CCDC91: variants seen among roughly 807,000 people sequenced by gnomAD.
The protein encoded by CCDC91 is coiled-coil domain containing 91, also known as coiled-coil domain-containing protein 91.
CCDC91 carries 48 observed loss-of-function variants against 63.2 expected under a neutral mutation model. The ratio of observed to expected loss-of-function variants is 0.76; its 90% confidence interval spans 0.60 to 0.97. CCDC91 has a LOEUF of 0.97. Among genes scored for constraint, CCDC91 ranks in the 50% least tolerant of loss-of-function variants. The probability of loss-of-function intolerance (pLI) is 0.00; values close to 1 mark genes in which losing one functional copy is unlikely to be tolerated. For missense variants in CCDC91, 500 were observed against 494.6 expected (o/e 1.01, Z -0.10); for synonymous variants, 167 against 165.8 (o/e 1.01, Z -0.06).
At chr12:28,486,174 A>C (rs1331353869) in intron 12 of CCDC91, among the ~76,000 whole-genome samples, 1 of 152,034 alleles carries the variant, frequency 6.6e-6, no homozygotes, top group Non-Finnish European at 1.5e-5. Context: ...CCACCAGTCC[A>C]CTCTGATTCT....
chr12:28,206,680 C>T (rs1410595543), intron 1 of CCDC91, among the ~76,000 whole-genome samples: 10 of 152,166 alleles, frequency 6.6e-5, no homozygotes, highest in African/African-American at 1.4e-4. Flanking sequence ...CTCTATAGGT[C>T]GTAAGTGCCA....
chr12:28,497,667 A>G (rs1433163711), intron 12 of CCDC91, among the ~76,000 whole-genome samples: 1 of 151,596 alleles, frequency 6.6e-6, no homozygotes, highest in East Asian at 1.9e-4. Flanking sequence ...TAGTCCCACT[A>G]TTCTTTTCAC....
At chr12:28,439,247 T>C (rs1949059275) in intron 8 of CCDC91, among the ~76,000 whole-genome samples, 1 of 152,188 alleles carries the variant, frequency 6.6e-6, no homozygotes, top group Non-Finnish European at 1.5e-5. Context: ...TGGTAACTTC[T>C]TTAAGTAGAT....
At chr12:28,308,786 T>C (rs1389522262) in intron 6 of CCDC91, among the ~76,000 whole-genome samples, 1 of 152,070 alleles carries the variant, frequency 6.6e-6, no homozygotes, top group Non-Finnish European at 1.5e-5. Flanking sequence ...CCTTTTACAT[T>C]TGACAAATTA....
intron 3 of CCDC91, among the ~76,000 whole-genome samples, chr12:28,267,905 T>TATTATATATA (rs796554809): frequency 0.015 from 816 of 55,740 alleles, 66 homozygotes; most frequent in Non-Finnish European, 0.027. Context: ...TATATAATTA[T>TATTATATATA]ATTATATATA....
chr12:28,319,006 T>A (rs1794262037), intron 6 of CCDC91, among the ~76,000 whole-genome samples: 1 of 151,964 alleles, frequency 6.6e-6, no homozygotes, highest in African/African-American at 2.4e-5. Flanking sequence ...AATTATATTT[T>A]AATACCACCT....
At chr12:28,460,904 A>C (rs1592737065) in intron 11 of CCDC91, among the ~76,000 whole-genome samples, 1 of 151,916 alleles carries the variant, frequency 6.6e-6, no homozygotes, top group South Asian at 2.1e-4. Flanking sequence ...TCTCTTAACC[A>C]TGGGGATACA....
chr12:28,452,555 T>G lies in CCDC91; in HGVS notation c.1002T>G (p.Ala334=), dbSNP rs757631936. 1 of 1,591,466 alleles carries G rather than the reference T, an allele frequency of 6.3e-7. No individual in the cohort carries two copies. Among genetic ancestry groups the G allele is most frequent in the East Asian group, 2.3e-5 (1 of 44,224 alleles). ...EERKNLEKAH[A]EERELWKTEH... ...GAAAAAATTTAGAAAAAGCGCATGC[T>G]GAAGAAAGGGAATTATGGAAGACAG... Residue 334 remains alanine (A), a synonymous_variant, in exon 11 of 13, where the codon GCT becomes GCG. Transcript: ENST00000536442.
At chr12:28,289,685 CTTTTTTTTTTTT>C (rs75555723) in intron 3 of CCDC91, among the ~76,000 whole-genome samples, 3 of 98,542 alleles carry the variant, frequency 3.0e-5, no homozygotes, top group African/African-American at 9.6e-5. Context: ...CTTTTCTTTT[CTTTTTTTTTTTT>C]TTTTTTTTTT....
chr12:28,268,055 A>T (rs866127817), intron 3 of CCDC91, among the ~76,000 whole-genome samples: 16 of 140,724 alleles, frequency 1.1e-4, no homozygotes, highest in Middle Eastern at 3.5e-3. Flanking sequence ...ATTAAAAATT[A>T]AAAATAATTA....
chr12:28,194,325 T>A (rs998971583), intron 1 of CCDC91, among the ~76,000 whole-genome samples: 62 of 152,178 alleles, frequency 4.1e-4, no homozygotes, highest in African/African-American at 1.4e-3. Flanking sequence ...AAGACTATTC[T>A]TACTGTGTCC....
At chr12:28,391,032 C>T (rs1327899865) in intron 7 of CCDC91, among the ~76,000 whole-genome samples, 4 of 150,266 alleles carry the variant, frequency 2.7e-5, no homozygotes, top group African/African-American at 9.8e-5. Context: ...CTCACCCTCT[C>T]TATCATCTTC....
Position 28,450,223 on chromosome 12 carries a change from A to G in CCDC91, c.825A>G (p.Glu275=). ...AACTGTTAAAAGAAAAAATAAAGGA[A>G]GCTTTGATTCAGCAATCTCAAGAAC... ...EKELLKEKIK[E]ALIQQSQEQK... The change falls in exon 9 of 13, where the codon GAA becomes GAG. Residue 275 remains glutamate, a synonymous_variant. Coordinates refer to ENST00000536442, the MANE Select transcript of CCDC91 (RefSeq NM_018318.5). The G allele has an allele frequency of 6.2e-7, 1 of 1,610,202 alleles. No individual in the cohort carries two copies. Among genetic ancestry groups the G allele is most frequent in the African/African-American group, 1.3e-5 (1 of 74,844 alleles).
intron 6 of CCDC91, among the ~76,000 whole-genome samples, chr12:28,338,879 C>T (rs564730704): frequency 2.0e-5 from 3 of 151,944 alleles, no homozygotes; most frequent in Non-Finnish European, 2.9e-5. Flanking sequence ...CTCGCTCTGT[C>T]GCCCAAGCTG....
At chr12:28,493,942 G>A (rs1192070470) in intron 12 of CCDC91, among the ~76,000 whole-genome samples, 1 of 151,588 alleles carries the variant, frequency 6.6e-6, no homozygotes, top group Non-Finnish European at 1.5e-5. Context: ...CTTTCTACTT[G>A]AGCATGCCCA....
At chr12:28,373,191 A>G (rs2138873609) in intron 7 of CCDC91, among the ~76,000 whole-genome samples, 1 of 152,322 alleles carries the variant, frequency 6.6e-6, no homozygotes, top group Admixed American at 6.5e-5. Context: ...CCTACATATG[A>G]GAAGTAAGCT....
chr12:28,253,527 G>A (rs1251945654), intron 1 of CCDC91, among the ~76,000 whole-genome samples: 3 of 152,016 alleles, frequency 2.0e-5, no homozygotes, highest in Non-Finnish European at 4.4e-5. Flanking sequence ...TTTGAGTTTC[G>A]GTTTTACTTG....
At chr12:28,279,028 T>G (rs1267919090) in intron 3 of CCDC91, among the ~76,000 whole-genome samples, 1 of 152,062 alleles carries the variant, frequency 6.6e-6, no homozygotes, top group Non-Finnish European at 1.5e-5. Flanking sequence ...TATTAAAGAT[T>G]AAATGTGTAT....
At chr12:28,476,586 A>G (rs1379223291) in intron 11 of CCDC91, among the ~76,000 whole-genome samples, 1 of 152,206 alleles carries the variant, frequency 6.6e-6, no homozygotes, top group East Asian at 1.9e-4. Flanking sequence ...AAACACATTC[A>G]TAAGCTAGCA....
Sources: allele counts gnomAD v4.1 joint callset (sites outside exome capture counted in the v4.1 genomes callset), GRCh38; gene constraint gnomAD v4.1.1; transcripts MANE v1.5; gene names NCBI Gene and HGNC (gene_info 2026-07-23, HGNC 2026-07-21).